Variants in MAGI1 observed in about 807,000 individuals in gnomAD.
The protein encoded by MAGI1 is membrane-associated guanylate kinase, WW and PDZ domain-containing protein 1.
In MAGI1, 58 loss-of-function variants were observed where a neutral mutation model predicts 139.9. The observed-to-expected ratio is 0.41, with a 90% CI of 0.34 to 0.52. The LOEUF (loss-of-function observed/expected upper bound fraction) is 0.52. Ranked by LOEUF, MAGI1 falls within the 20% of genes least tolerant of loss-of-function variation. The probability of loss-of-function intolerance (pLI) is 0.12; values close to 1 mark genes in which losing one functional copy is unlikely to be tolerated. For missense variants in MAGI1, 1,874 were observed against 1,901.6 expected (o/e 0.99, Z 0.27); for synonymous variants, 812 against 737.9 (o/e 1.10, Z -1.63).
At chr3:65,538,615 G>A (rs1253849288) in intron 2 of MAGI1, among the ~76,000 whole-genome samples, 3 of 152,010 alleles carry the variant, frequency 2.0e-5, no homozygotes, top group African/African-American at 7.2e-5. Flanking sequence ...GCCTGTAATT[G>A]AGCTGAAAAA....
intron 2 of MAGI1, among the ~76,000 whole-genome samples, chr3:65,552,583 G>A (rs1191016453): frequency 6.6e-6 from 1 of 152,066 alleles, no homozygotes; most frequent in Non-Finnish European, 1.5e-5. Flanking sequence ...AAATGCAACT[G>A]GGGACAAGAA....
chr3:65,796,529 A>G (rs1486539024), intron 1 of MAGI1, among the ~76,000 whole-genome samples: 2 of 152,178 alleles, frequency 1.3e-5, no homozygotes, highest in South Asian at 2.1e-4. Context: ...AAACGGACAC[A>G]CTGGCTCCCA....
chr3:65,597,927 G>GA, intron 2 of MAGI1: 1 of 136,340 alleles, frequency 7.3e-6, no homozygotes, highest in Non-Finnish European at 1.2e-5. Flanking sequence ...GGCGGGGGTG[G>GA]GGGGGGGGTG....
At chr3:65,491,690 G>A (rs369197770) in intron 3 of MAGI1, among the ~76,000 whole-genome samples, 4 of 145,646 alleles carry the variant, frequency 2.7e-5, no homozygotes, top group East Asian at 4.1e-4. Flanking sequence ...GTACCTTCCC[G>A]CAGCCCCCCT....
At chr3:65,899,794 A>AT (rs1450937080) in intron 1 of MAGI1, among the ~76,000 whole-genome samples, 6 of 152,224 alleles carry the variant, frequency 3.9e-5, no homozygotes, top group African/African-American at 1.4e-4. Flanking sequence ...GGACTTTCAA[A>AT]GGGGGATAAA....
At position 65,381,887 on chromosome 3, in the gene MAGI1, C is replaced by A; in HGVS notation, c.2691G>T (p.Val897=). 6.2e-7 allele frequency: 1 copy of A among 1,609,448 alleles called. No homozygotes were observed. ...GHVNLTVRRK[V]VFAVPKTENE... ...GAATGAAATACATACCCGCAAAAAC[C>A]ACTTTACGCCGCACCGTGAGATTGA... Residue 897 remains valine (V), a synonymous_variant, in exon 16 of 23, where the codon GTG becomes GTT. Coordinates refer to ENST00000402939, the MANE Select transcript of MAGI1 (RefSeq NM_001033057.2).
rs376367437 is a variant in MAGI1 at position 65,356,453 on chromosome 3, G to A, written c.4314C>T (p.Ala1438=). ...CCGGGGGATGTCTGGAACTTCTGCC[G>A]GCATCCTGTTTCAGATTCGCCTCTT... ...EREEANLKQD[A]GRSSRHPPEQ... Residue 1438 remains alanine (A), a synonymous_variant, in exon 23 of 23, where the codon GCC becomes GCT. Coordinates refer to ENST00000402939, the MANE Select transcript of MAGI1 (RefSeq NM_001033057.2). 1.2e-5 allele frequency: 20 copies of A among 1,611,580 alleles called. No individual in the cohort carries two copies. In the African/African-American group the frequency reaches 2.1e-4, roughly 17 times the overall value.
At chr3:65,747,834 T>C (rs1453127400) in intron 1 of MAGI1, among the ~76,000 whole-genome samples, 1 of 151,198 alleles carries the variant, frequency 6.6e-6, no homozygotes, top group Admixed American at 6.6e-5. Flanking sequence ...AAAAAAAGAG[T>C]CTAAAAGAAT....
chr3:65,937,814 T>G (rs1450084671), intron 1 of MAGI1, among the ~76,000 whole-genome samples: 2 of 152,002 alleles, frequency 1.3e-5, no homozygotes, highest in African/African-American at 4.8e-5. Context: ...TTAAGTAAGA[T>G]TTTGCCTAAG....
chr3:65,503,322 T>G (rs1006206348), intron 2 of MAGI1, among the ~76,000 whole-genome samples: 1 of 152,140 alleles, frequency 6.6e-6, no homozygotes, highest in African/African-American at 2.4e-5. Context: ...ATTTAACACT[T>G]TATATGTGGT....
intron 2 of MAGI1, among the ~76,000 whole-genome samples, chr3:65,517,689 AC>A (rs2077970535): frequency 6.6e-6 from 1 of 152,146 alleles, no homozygotes; most frequent in South Asian, 2.1e-4. Context: ...CCTAAGAGGT[AC>A]CAGTGCCACC....
intron 1 of MAGI1, chr3:65,924,985 C>A (rs1246756785): frequency 6.6e-6 from 1 of 152,212 alleles, no homozygotes; most frequent in East Asian, 1.9e-4. Context: ...ATATGCCGGT[C>A]TTAGCCAAAT....
At chr3:65,461,158 C>G (rs546108399) in intron 5 of MAGI1, among the ~76,000 whole-genome samples, 1 of 152,260 alleles carries the variant, frequency 6.6e-6, no homozygotes, top group South Asian at 2.1e-4. Context: ...AATTTACACT[C>G]CCACCAACAG....
intron 1 of MAGI1, among the ~76,000 whole-genome samples, chr3:65,762,003 G>A (rs796609336): frequency 6.6e-6 from 1 of 152,108 alleles, no homozygotes; most frequent in Non-Finnish European, 1.5e-5. Flanking sequence ...CACCTCAATA[G>A]AGCAGACTGG....
intron 1 of MAGI1, among the ~76,000 whole-genome samples, chr3:65,696,835 C>A (rs373818208): frequency 2.0e-5 from 3 of 152,102 alleles, no homozygotes; most frequent in Non-Finnish European, 2.9e-5. Flanking sequence ...CTGGACTCAG[C>A]ATCAGAAGCC....
chr3:65,827,698 A>T (rs12490463), intron 1 of MAGI1, among the ~76,000 whole-genome samples: 1 of 151,946 alleles, frequency 6.6e-6, no homozygotes, highest in Non-Finnish European at 1.5e-5. Context: ...TTCTCCTACA[A>T]TAAAGTCCCA....
intron 1 of MAGI1, among the ~76,000 whole-genome samples, chr3:65,695,481 G>C (rs556352668): frequency 1.4e-4 from 22 of 152,274 alleles, no homozygotes; most frequent in Admixed American, 2.6e-4. Flanking sequence ...TGCTCCCTCT[G>C]CTTAGACTGC....
intron 2 of MAGI1, among the ~76,000 whole-genome samples, chr3:65,536,115 C>A (rs2078948418): frequency 6.6e-6 from 1 of 152,104 alleles, no homozygotes; most frequent in African/African-American, 2.4e-5. Flanking sequence ...ATACGTTTTC[C>A]CCTGAACTTT....
chr3:65,702,221 G>A (rs2089664847), intron 1 of MAGI1, among the ~76,000 whole-genome samples: 1 of 152,106 alleles, frequency 6.6e-6, no homozygotes, highest in East Asian at 1.9e-4. Flanking sequence ...TTAAGTGTCA[G>A]CTTATAAGGC....
Sources: allele counts gnomAD v4.1 joint callset (sites outside exome capture counted in the v4.1 genomes callset), GRCh38; gene constraint gnomAD v4.1.1; transcripts MANE v1.5; gene names NCBI Gene and HGNC (gene_info 2026-07-23, HGNC 2026-07-21).